The following CIB4 variants were observed in gnomAD, a reference collection of about 807,000 sequenced individuals.
CIB4 encodes calcium and integrin binding family member 4.
A neutral mutation model predicts 25.8 loss-of-function variants in CIB4; 25 were observed. The ratio of observed to expected loss-of-function variants is 0.97; its 90% confidence interval spans 0.71 to 1.35. The LOEUF (loss-of-function observed/expected upper bound fraction) is 1.35. Ranked by LOEUF, CIB4 falls within the 40% of genes most tolerant of loss-of-function variation. CIB4 has a pLI of 0.00. For missense variants in CIB4, 235 were observed against 228.2 expected (o/e 1.03, Z -0.19); for synonymous variants, 75 against 81.4 (o/e 0.92, Z 0.42).
chr2:26,614,079 G>A (rs141065045), intron 3 of CIB4, among the ~76,000 whole-genome samples: 145 of 152,340 alleles, frequency 9.5e-4, no homozygotes, highest in Admixed American at 2.4e-3. Flanking sequence ...ACAGAGCCCC[G>A]GCCAGCTTGG....
intron 4 of CIB4, among the ~76,000 whole-genome samples, chr2:26,584,104 G>A (rs1006267770): frequency 2.0e-5 from 3 of 152,228 alleles, no homozygotes; most frequent in East Asian, 1.9e-4. Flanking sequence ...AGTAAGTATC[G>A]ATCGTGTGTG....
chr2:26,607,181 C>T (rs546837151), intron 3 of CIB4, among the ~76,000 whole-genome samples: 5 of 152,216 alleles, frequency 3.3e-5, no homozygotes, highest in African/African-American at 1.2e-4. Flanking sequence ...TTGGGGTAGG[C>T]AGTGGAGCGA....
At chr2:26,605,637 A>AG (rs1312485187) in intron 3 of CIB4, 4 of 458,078 alleles carry the variant, frequency 8.7e-6, no homozygotes, top group African/African-American at 2.0e-5. Flanking sequence ...AGAAGGTGGC[A>AG]GTGTTGGGTC....
At position 26,621,711 on chromosome 2, in the gene CIB4, C is replaced by G. The variant is rs531149750; in HGVS notation, c.186+7699G>C. Among the ~76,000 whole-genome samples the G allele has an allele frequency of 2.0e-5, 3 of 152,220 alleles. No individual in the cohort carries two copies. The South Asian group carries it at 6.2e-4, about 32-fold the overall frequency. On this transcript the variant is annotated intron_variant, in intron 3 of 6. Coordinates refer to ENST00000288861, the MANE Select transcript of CIB4 (RefSeq NM_001029881.3). ...TGGAGAGACATGAAAACAGAAAATGCAAGACCCAAGAGAGTGGTGAGAAGA... is the reference window on the plus strand; with the variant it reads ...TGGAGAGACATGAAAACAGAAAATGGAAGACCCAAGAGAGTGGTGAGAAGA...
intron 4 of CIB4, among the ~76,000 whole-genome samples, chr2:26,589,067 T>C (rs1668523397): frequency 4.0e-5 from 2 of 49,606 alleles, no homozygotes; most frequent in East Asian, 5.5e-4. Context: ...TTCCTCTTCC[T>C]CTTCCTCTTC....
In CIB4 at chr2:26,593,324, A is replaced by G. The variant is rs144722033; in HGVS notation, c.328+1852T>C. Reference sequence around the variant, plus strand: ...TAGAGATATGTGTGTGTGTGTGTGTATATGTGTGTGTGTGTATATATACAT... The same window carrying G: ...TAGAGATATGTGTGTGTGTGTGTGTGTATGTGTGTGTGTGTATATATACAT... On this transcript the variant is annotated intron_variant, in intron 4 of 6. Transcript: ENST00000288861. Among the ~76,000 whole-genome samples, 68 of 151,690 alleles carry G rather than the reference A, an allele frequency of 4.5e-4. 1 individual carries two copies. Among genetic ancestry groups the G allele is most frequent in the East Asian group, 4.3e-3 (22 of 5,108 alleles).
At chr2:26,598,430 G>A (rs372574657) in intron 3 of CIB4, among the ~76,000 whole-genome samples, 7 of 152,192 alleles carry the variant, frequency 4.6e-5, no homozygotes, top group Non-Finnish European at 7.3e-5. Context: ...AGGCACGGGA[G>A]GGGGCCACGG....
chr2:26,632,334 C>A (rs920782973), intron 2 of CIB4, among the ~76,000 whole-genome samples: 3 of 152,154 alleles, frequency 2.0e-5, no homozygotes, highest in Admixed American at 2.0e-4. Context: ...TGGGAGGGAG[C>A]AGAAAGCAGA....
rs1004674214 is a variant in CIB4 at position 26,616,167 on chromosome 2, G to T, written c.186+13243C>A. Reference sequence around the variant, plus strand: ...AGTTACCTTGAGGAGTAAGTGAGATGATGCATGTGTGACATCCCACACCGT... The same window carrying T: ...AGTTACCTTGAGGAGTAAGTGAGATTATGCATGTGTGACATCCCACACCGT... On this transcript the variant is annotated intron_variant, in intron 3 of 6. Transcript: ENST00000288861. Among the ~76,000 whole-genome samples, 7 of 152,216 alleles carry T rather than the reference G, an allele frequency of 4.6e-5. 1 individual carries two copies. The highest frequency in any genetic ancestry group is 8.8e-5 in the Non-Finnish European group (6 of 68,024).
chr2:26,601,228 AAAAATATATATATATATATATATATAT>A lies in CIB4; in HGVS notation c.187-5938_187-5912del, dbSNP rs1406939958. On this transcript the variant is annotated intron_variant, in intron 3 of 6. Transcript: ENST00000288861. Reference sequence around the variant, plus strand: ...GAGTGAGACCATGTCAAAAAAAAAAAAAAATATATATATATATATATATATATATATATATATATATGCATGCTAAGC... The same window carrying A: ...GAGTGAGACCATGTCAAAAAAAAAAAATATATATATATATGCATGCTAAGC... 6.3e-5 allele frequency among the ~76,000 whole-genome samples: 5 copies of A among 79,764 alleles called. 1 individual carries two copies. The highest frequency in any genetic ancestry group is 3.0e-4 in the African/African-American group (5 of 16,930). The allele number at this position is 79,764 out of a possible 152,430, so 52.3% of individuals were successfully genotyped here. A position where few individuals can be genotyped will look rare whatever the true frequency, so the allele number is the denominator to read the frequency against.
chr2:26,601,280 C>G (rs72857950), intron 3 of CIB4, among the ~76,000 whole-genome samples: 5,357 of 136,096 alleles, frequency 0.039, 452 homozygotes, highest in African/African-American at 0.14. Flanking sequence ...GCATGCTAAG[C>G]CTTTAGTAAT....
intron 3 of CIB4, among the ~76,000 whole-genome samples, chr2:26,621,119 C>G (rs796175373): frequency 6.6e-6 from 1 of 152,004 alleles, no homozygotes; most frequent in South Asian, 2.1e-4. Context: ...GGCCCCAGAG[C>G]TGAAGGACAT....
intron 3 of CIB4, among the ~76,000 whole-genome samples, chr2:26,615,328 T>A (rs1669071684): frequency 6.6e-6 from 1 of 152,108 alleles, no homozygotes; most frequent in African/African-American, 2.4e-5. Context: ...GTGGGAAGTG[T>A]TACCCATCCG....
At chr2:26,615,131 A>G (rs542599990) in intron 3 of CIB4, among the ~76,000 whole-genome samples, 1 of 152,328 alleles carries the variant, frequency 6.6e-6, no homozygotes, top group Non-Finnish European at 1.5e-5. Flanking sequence ...TCAGGTACCC[A>G]GTGCCTAATT....
At chr2:26,623,584 C>A (rs1026749069) in intron 3 of CIB4, 3 of 471,214 alleles carry the variant, frequency 6.4e-6, no homozygotes, top group Non-Finnish European at 1.3e-5. Context: ...GGAGCTGAAA[C>A]CTTAGGGGCC....
intron 2 of CIB4, among the ~76,000 whole-genome samples, chr2:26,631,923 C>T (rs1024322315): frequency 6.6e-6 from 1 of 152,230 alleles, no homozygotes; most frequent in Non-Finnish European, 1.5e-5. Context: ...TCACCTCAGG[C>T]CTGGGGCAGT....
intron 3 of CIB4, among the ~76,000 whole-genome samples, chr2:26,615,229 T>C (rs1669069058): frequency 6.6e-6 from 1 of 152,094 alleles, no homozygotes. Flanking sequence ...AACAGTCAAA[T>C]CCTGGACAAA....
At chr2:26,620,439 C>T (rs1166720667) in intron 3 of CIB4, among the ~76,000 whole-genome samples, 1 of 152,120 alleles carries the variant, frequency 6.6e-6, no homozygotes, top group East Asian at 1.9e-4. Flanking sequence ...CTGCAAAAGA[C>T]GGGAGTTTGT....
chr2:26,602,087 A>G (rs1161340710), intron 3 of CIB4, among the ~76,000 whole-genome samples: 1 of 152,242 alleles, frequency 6.6e-6, no homozygotes, highest in African/African-American at 2.4e-5. Context: ...GGAAACCCAT[A>G]GAACTGTACA....
Sources: allele counts gnomAD v4.1 joint callset (sites outside exome capture counted in the v4.1 genomes callset), GRCh38; gene constraint gnomAD v4.1.1; transcripts MANE v1.5; gene names NCBI Gene and HGNC (gene_info 2026-07-23, HGNC 2026-07-21).